The following ETS1 variants were observed in gnomAD, a reference collection of about 807,000 sequenced individuals.
ETS1 encodes ETS proto-oncogene 1, transcription factor.
ETS1 carries 15 observed loss-of-function variants against 58.6 expected under a neutral mutation model. The ratio of observed to expected loss-of-function variants is 0.26; its 90% confidence interval spans 0.17 to 0.39. The LOEUF is 0.39. ETS1 is among the 10% of genes least tolerant of loss of function. ETS1 has a pLI of 1.00. For missense variants in ETS1, 417 were observed against 610.5 expected (o/e 0.68, Z 3.34); for synonymous variants, 214 against 218.2 (o/e 0.98, Z 0.17).
At chr11:128,553,591 C>T (rs1028263073) in intron 3 of ETS1, among the ~76,000 whole-genome samples, 3 of 152,056 alleles carry the variant, frequency 2.0e-5, no homozygotes, top group Non-Finnish European at 2.9e-5. Context: ...CCCGACAGAC[C>T]TTGGCGCTTT....
chr11:128,490,866 G>A (rs552792898), intron 3 of ETS1, among the ~76,000 whole-genome samples: 1 of 151,944 alleles, frequency 6.6e-6, no homozygotes, highest in Admixed American at 6.6e-5. Flanking sequence ...TTATAGGCAT[G>A]TGCCACCATG....
intron 3 of ETS1, among the ~76,000 whole-genome samples, chr11:128,512,452 C>T (rs1863416525): frequency 6.6e-6 from 1 of 152,194 alleles, no homozygotes; most frequent in Non-Finnish European, 1.5e-5. Flanking sequence ...AGGGTAACTG[C>T]GACAGACCTT....
At chr11:128,535,268 T>G (rs1028770385) in intron 3 of ETS1, among the ~76,000 whole-genome samples, 3 of 152,228 alleles carry the variant, frequency 2.0e-5, no homozygotes, top group Non-Finnish European at 4.4e-5. Context: ...CACTTTTTAA[T>G]GGGGTTGTTT....
At chr11:128,568,030 G>A (rs1173930827) in intron 2 of ETS1, among the ~76,000 whole-genome samples, 1 of 152,160 alleles carries the variant, frequency 6.6e-6, no homozygotes, top group Non-Finnish European at 1.5e-5. Context: ...TGGCACTTGG[G>A]GATATGTAGT....
chr11:128,529,843 T>A (rs923433592), intron 3 of ETS1, among the ~76,000 whole-genome samples: 2 of 152,164 alleles, frequency 1.3e-5, no homozygotes, highest in Non-Finnish European at 2.9e-5. Context: ...CATAATGAAT[T>A]AATATGAATC....
At chr11:128,586,590 G>A (rs1317320700) in intron 1 of ETS1, among the ~76,000 whole-genome samples, 1 of 151,982 alleles carries the variant, frequency 6.6e-6, no homozygotes, top group South Asian at 2.1e-4. Flanking sequence ...GCATGGCAGT[G>A]GTCTAAAGTA....
chr11:128,571,164 C>T (rs377670899), intron 2 of ETS1, among the ~76,000 whole-genome samples: 1 of 151,938 alleles, frequency 6.6e-6, no homozygotes, highest in East Asian at 1.9e-4. Context: ...CGCGGTGGCT[C>T]ACGCTTGTAA....
chr11:128,498,646 A>G (rs2135476756), intron 3 of ETS1, among the ~76,000 whole-genome samples: 1 of 152,276 alleles, frequency 6.6e-6, no homozygotes, highest in East Asian at 1.9e-4. Flanking sequence ...ACTCTTTTCT[A>G]TGTGTTTGGA....
At chr11:128,570,472 C>T (rs1864604556) in intron 2 of ETS1, among the ~76,000 whole-genome samples, 1 of 152,170 alleles carries the variant, frequency 6.6e-6, no homozygotes, top group African/African-American at 2.4e-5. Context: ...AAACTCCTGA[C>T]CTCAACTGAT....
At chr11:128,559,840 G>T (rs1382605927) in intron 2 of ETS1, among the ~76,000 whole-genome samples, 2 of 152,196 alleles carry the variant, frequency 1.3e-5, no homozygotes, top group African/African-American at 4.8e-5. Context: ...TCAGAAATCT[G>T]GGCAGCCCAG....
chr11:128,538,774 AC>A (rs1864010774), intron 3 of ETS1, among the ~76,000 whole-genome samples: 1 of 151,798 alleles, frequency 6.6e-6, no homozygotes, highest in Non-Finnish European at 1.5e-5. Context: ...ACACACACAC[AC>A]ACACACACAC....
At chr11:128,575,523 G>A (rs1250778603) in intron 1 of ETS1, among the ~76,000 whole-genome samples, 2 of 152,152 alleles carry the variant, frequency 1.3e-5, no homozygotes, top group African/African-American at 4.8e-5. Context: ...TGCCAGACAC[G>A]GTCCTGGGCA....
At chr11:128,551,439 C>T (rs1332150367) in intron 3 of ETS1, among the ~76,000 whole-genome samples, 2 of 152,188 alleles carry the variant, frequency 1.3e-5, no homozygotes, top group Non-Finnish European at 2.9e-5. Context: ...ACTTGAACTT[C>T]CAAAGTTTAT....
rs114819929 is a variant in ETS1 at position 128,526,586 on chromosome 11, G to A, written c.214+29705C>T. 8.4e-3 allele frequency: 1,996 copies of A among 236,708 alleles called. 29 individuals are homozygous for A. Among genetic ancestry groups the A allele is most frequent in the African/African-American group, 0.038 (1,583 of 42,136 alleles). 14.7% of individuals were successfully genotyped at this position (236,708 alleles called of 1,614,324 possible). A position where few individuals can be genotyped will look rare whatever the true frequency, so the allele number is the denominator to read the frequency against. ...TCAATTTTCCTGAACGATCTCCAGC[G>A]AGAGATAGAACAACTATCACCACAT... On this transcript the variant is annotated intron_variant, in intron 3 of 9. Coordinates refer to ENST00000392668, the MANE Select transcript of ETS1 (RefSeq NM_001143820.2).
At chr11:128,571,314 G>A (rs1208259884) in intron 2 of ETS1, among the ~76,000 whole-genome samples, 1 of 151,848 alleles carries the variant, frequency 6.6e-6, no homozygotes, top group Admixed American at 6.6e-5. Flanking sequence ...TACTCTGAGA[G>A]GCTGAGGCAG....
intron 1 of ETS1, among the ~76,000 whole-genome samples, chr11:128,585,984 C>T (rs565444934): frequency 6.6e-5 from 10 of 152,300 alleles, no homozygotes; most frequent in African/African-American, 1.7e-4. Context: ...GATCCCACCC[C>T]TCTACCAGCT....
chr11:128,515,882 C>A (rs1199868282), intron 3 of ETS1, among the ~76,000 whole-genome samples: 1 of 152,124 alleles, frequency 6.6e-6, no homozygotes, highest in African/African-American at 2.4e-5. Flanking sequence ...CAGTAATAAG[C>A]CACATTTGAA....
In ETS1 at chr11:128,460,232, C is replaced by G. The variant is rs1861875529; in HGVS notation, c.*2129G>C. ...ACAGTTCCACCCAACACTCCCTGAGCAGCTCCTAAAATATTTTGAGAGCTT... is the reference window on the plus strand; with the variant it reads ...ACAGTTCCACCCAACACTCCCTGAGGAGCTCCTAAAATATTTTGAGAGCTT... On this transcript the variant is annotated 3_prime_UTR_variant, in exon 10 of 10. Transcript: ENST00000392668. 1 of 152,778 alleles carries G rather than the reference C, an allele frequency of 6.5e-6. No individual in the cohort carries two copies. The highest frequency in any genetic ancestry group is 3.2e-3 in the Middle Eastern group (1 of 316). The allele number at this position is 152,778 out of a possible 1,614,324, so 9.5% of individuals were successfully genotyped here.
intron 3 of ETS1, among the ~76,000 whole-genome samples, chr11:128,532,896 C>T (rs1331968559): frequency 6.6e-6 from 1 of 152,174 alleles, no homozygotes; most frequent in Non-Finnish European, 1.5e-5. Context: ...TCTATTAAAA[C>T]CACCACGTGC....
Sources: allele counts gnomAD v4.1 joint callset (sites outside exome capture counted in the v4.1 genomes callset), GRCh38; gene constraint gnomAD v4.1.1; transcripts MANE v1.5; gene names NCBI Gene and HGNC (gene_info 2026-07-23, HGNC 2026-07-21).